The following AGBL4 variants were observed in gnomAD, a reference collection of about 807,000 sequenced individuals.
AGBL4 encodes the protein AGBL carboxypeptidase 4, also known as cytosolic carboxypeptidase 6.
Under a neutral mutation model 66.4 loss-of-function variants are expected in AGBL4, and 58 were observed. The ratio of observed to expected loss-of-function variants is 0.87; its 90% CI spans 0.71 to 1.09. AGBL4 has a LOEUF of 1.09. Among genes scored for constraint, AGBL4 ranks in the 50% least tolerant of loss-of-function variants. AGBL4 has a pLI of 0.00. For missense variants in AGBL4, 579 were observed against 631.0 expected (o/e 0.92, Z 0.88); for synonymous variants, 234 against 222.9 (o/e 1.05, Z -0.44).
At chr1:49,149,177 TAGTTACCAGTCTCTTTAC>T (rs1206768433) in intron 4 of AGBL4, among the ~76,000 whole-genome samples, 1 of 152,208 alleles carries the variant, frequency 6.6e-6, no homozygotes, top group Non-Finnish European at 1.5e-5. Context: ...TTCTGCTAAG[TAGTTACCAGTCTCTTTAC>T]AGTGCTAAGA....
intron 2 of AGBL4, among the ~76,000 whole-genome samples, chr1:49,737,633 C>A (rs1467191773): frequency 6.6e-6 from 1 of 152,042 alleles, no homozygotes; most frequent in Admixed American, 6.6e-5. Context: ...CAGCACCATA[C>A]AATATTCCCA....
At chr1:49,151,050 C>T (rs963841704) in intron 4 of AGBL4, among the ~76,000 whole-genome samples, 14 of 151,948 alleles carry the variant, frequency 9.2e-5, no homozygotes, top group African/African-American at 3.1e-4. Context: ...GGGTGGATCA[C>T]GAAGTCAGGA....
At chr1:48,649,297 G>GT (rs1645888678) in intron 8 of AGBL4, among the ~76,000 whole-genome samples, 1 of 152,204 alleles carries the variant, frequency 6.6e-6, no homozygotes, top group African/African-American at 2.4e-5. Context: ...AAGCCTTTCT[G>GT]TGAAGTGGCA....
rs368451270 is a variant in AGBL4, at chr1:49,735,209, C to T, written c.158-37772G>A. Reference sequence around the variant, plus strand: ...TTTTGCAGGTGTGATTACAGTAAGACCATAACATCAAAAGATTATCCTGGA... The same window carrying T: ...TTTTGCAGGTGTGATTACAGTAAGATCATAACATCAAAAGATTATCCTGGA... On this transcript the variant is annotated intron_variant, in intron 2 of 13. Coordinates refer to ENST00000371839, the MANE Select transcript of AGBL4 (RefSeq NM_032785.4). Among the ~76,000 whole-genome samples, 52 of 151,638 alleles carry T rather than the reference C, an allele frequency of 3.4e-4. 1 individual carries two copies. The South Asian group carries it at 9.6e-3, about 28-fold the overall frequency.
At chr1:48,637,203 G>T (rs1645681030) in intron 8 of AGBL4, among the ~76,000 whole-genome samples, 1 of 152,158 alleles carries the variant, frequency 6.6e-6, no homozygotes, top group Admixed American at 6.5e-5. Context: ...ATTATTTTAT[G>T]CTATGTTCTA....
chr1:48,786,534 G>C (rs1365939329), intron 6 of AGBL4, among the ~76,000 whole-genome samples: 1 of 152,160 alleles, frequency 6.6e-6, no homozygotes, highest in Non-Finnish European at 1.5e-5. Flanking sequence ...AGAAACCTGA[G>C]AATTAGACCC....
At chr1:48,877,714 T>C (rs971189431) in intron 5 of AGBL4, among the ~76,000 whole-genome samples, 1 of 152,098 alleles carries the variant, frequency 6.6e-6, no homozygotes, top group African/African-American at 2.4e-5. Flanking sequence ...TTTAGGGTGG[T>C]AGGACTTGCC....
chr1:48,978,731 G>A (rs1659532637), intron 5 of AGBL4, among the ~76,000 whole-genome samples: 1 of 152,062 alleles, frequency 6.6e-6, no homozygotes, highest in African/African-American at 2.4e-5. Flanking sequence ...AATGCTTAGT[G>A]TAATTTTGTT....
At chr1:48,784,473 A>T (rs1445011558) in intron 6 of AGBL4, among the ~76,000 whole-genome samples, 1 of 152,216 alleles carries the variant, frequency 6.6e-6, no homozygotes, top group Non-Finnish European at 1.5e-5. Flanking sequence ...CTCTAATTTC[A>T]AATGTTCAAG....
At chr1:49,071,884 T>G (rs1422328549) in intron 4 of AGBL4, among the ~76,000 whole-genome samples, 6 of 152,164 alleles carry the variant, frequency 3.9e-5, no homozygotes, top group Non-Finnish European at 1.5e-5. Flanking sequence ...TGTCTAAGTG[T>G]CTTTGTATGT....
At chr1:48,869,492 T>C (rs1570881498) in intron 5 of AGBL4, among the ~76,000 whole-genome samples, 1 of 152,210 alleles carries the variant, frequency 6.6e-6, no homozygotes, top group East Asian at 1.9e-4. Context: ...CCTATTTGTC[T>C]GAAATGTATT....
intron 2 of AGBL4, among the ~76,000 whole-genome samples, chr1:49,776,103 A>T (rs1351642984): frequency 6.6e-6 from 1 of 152,166 alleles, no homozygotes; most frequent in Non-Finnish European, 1.5e-5. Flanking sequence ...GAGTATACGT[A>T]TTGTAGCTAC....
At position 49,750,349 on chromosome 1, in the gene AGBL4, A is replaced by G. The variant is rs1199968237; in HGVS notation, c.158-52912T>C. 2.0e-5 allele frequency among the ~76,000 whole-genome samples: 3 copies of G among 152,158 alleles called. No individual in the cohort carries two copies. In the East Asian group the frequency reaches 5.8e-4, roughly 29 times the overall value. On this transcript the variant is annotated intron_variant, in intron 2 of 13. Coordinates refer to ENST00000371839, the MANE Select transcript of AGBL4 (RefSeq NM_032785.4). ...TTTTCCCAAAACCATTTATTAAATA[A>G]TCATTTCTCCATTGCTTGATTTTGT... is the stretch of plus-strand genomic sequence containing the variant.
intron 4 of AGBL4, among the ~76,000 whole-genome samples, chr1:49,239,510 C>G (rs1651045009): frequency 6.6e-6 from 1 of 151,944 alleles, no homozygotes; most frequent in Non-Finnish European, 1.5e-5. Flanking sequence ...CATTATTATT[C>G]AAACATGGTG....
intron 3 of AGBL4, among the ~76,000 whole-genome samples, chr1:49,301,091 A>G (rs1176465966): frequency 2.0e-5 from 3 of 152,206 alleles, no homozygotes; most frequent in African/African-American, 7.2e-5. Flanking sequence ...TGAAAACTTA[A>G]TAAGAAAGGT....
intron 1 of AGBL4, among the ~76,000 whole-genome samples, chr1:49,935,828 C>T (rs970143393): frequency 1.3e-5 from 2 of 152,114 alleles, no homozygotes; most frequent in Non-Finnish European, 2.9e-5. Flanking sequence ...ACACCAAAAA[C>T]CCATCTGTAC....
intron 5 of AGBL4, among the ~76,000 whole-genome samples, chr1:48,902,191 T>A (rs189071685): frequency 9.8e-5 from 15 of 152,288 alleles, no homozygotes; most frequent in Admixed American, 6.5e-4. Flanking sequence ...TATCAGATAG[T>A]TTCTTCAGTG....
chr1:49,091,867 A>G lies in AGBL4; in HGVS notation c.378-46067T>C, dbSNP rs566490421. On this transcript the variant is annotated intron_variant, in intron 4 of 13. Coordinates refer to ENST00000371839, the MANE Select transcript of AGBL4 (RefSeq NM_032785.4). ...CACAGTCATAAAAATGAACAAAATG[A>G]TGTCCTTTGCAGCAACATGGATGGA... Among the ~76,000 whole-genome samples the G allele has an allele frequency of 2.6e-4, 40 of 152,282 alleles. 2 individuals carry two copies. The South Asian group carries it at 7.9e-3, about 30-fold the overall frequency.
intron 2 of AGBL4, among the ~76,000 whole-genome samples, chr1:49,713,246 C>T (rs1199968547): frequency 1.3e-5 from 2 of 151,966 alleles, no homozygotes; most frequent in East Asian, 3.9e-4. Context: ...TGAGAATATC[C>T]TATGGATTTC....
Sources: gnomAD v4.1 joint callset for allele counts (sites outside exome capture counted in the v4.1 genomes callset) on GRCh38, gnomAD v4.1.1 for gene constraint, MANE v1.5 for transcripts, NCBI Gene and HGNC (gene_info 2026-07-23, HGNC 2026-07-21) for gene names.